Variants in HOMEZ observed in about 807,000 individuals in gnomAD.
HOMEZ encodes the protein homeobox and leucine zipper encoding, also known as homeobox and leucine zipper protein Homez.
HOMEZ carries 20 observed loss-of-function variants against 50.1 expected under a neutral mutation model. The ratio of observed to expected loss-of-function variants is 0.40; its 90% CI spans 0.28 to 0.58. The LOEUF (loss-of-function observed/expected upper bound fraction) is 0.58, where lower values mean the gene tolerates loss of function less well. Ranked by LOEUF, HOMEZ falls within the 20% of genes least tolerant of loss-of-function variation. The pLI is 0.46. For missense variants in HOMEZ, 579 were observed against 680.5 expected (o/e 0.85, Z 1.66); for synonymous variants, 239 against 254.7 (o/e 0.94, Z 0.59).
At position 23,275,717 on chromosome 14, in the gene HOMEZ, G is replaced by A. The variant is rs374986307; in HGVS notation, c.1511C>T (p.Pro504Leu). 3.1e-6 allele frequency: 5 copies of A among 1,610,344 alleles called. No homozygotes were observed. In the African/African-American group the frequency reaches 6.7e-5, roughly 22 times the overall value. ...QVLDWFDSRL[P>L]QPAEVVVCLD... ...ACAAACTACCACCTCAGCTGGCTGA[G>A]GTAATCGAGAGTCAAACCAATCCAG... Residue 504 changes from proline to leucine, a missense_variant, in exon 2 of 2, where the codon CCT becomes CTT. Coordinates refer to ENST00000357460, the MANE Select transcript of HOMEZ (RefSeq NM_020834.3).
chr14:23,278,457 T>C (rs923783586), intron 1 of HOMEZ, among the ~76,000 whole-genome samples: 8 of 150,880 alleles, frequency 5.3e-5, no homozygotes, highest in African/African-American at 2.0e-4. Context: ...CTTTGAACTC[T>C]TAGGCTCAAG....
Position 23,280,701 on chromosome 14 carries a change from ATATTTT to A in HOMEZ, c.41-3520_41-3515del, listed in dbSNP as rs1174395643. Reference sequence around the variant, plus strand: ...TCTGTTATATTTTATTTTTATTTTTATATTTTTATTTTTATTTTATTTTATTTTATT... The same window carrying A: ...TCTGTTATATTTTATTTTTATTTTTATATTTTTATTTTATTTTATTTTATT... On this transcript the variant is annotated intron_variant, in intron 1 of 1. Coordinates refer to ENST00000357460, the MANE Select transcript of HOMEZ (RefSeq NM_020834.3). Among the ~76,000 whole-genome samples the A allele has an allele frequency of 2.6e-4, 18 of 69,994 alleles. 2 individuals carry two copies. The highest frequency in any genetic ancestry group is 6.1e-4 in the African/African-American group (14 of 23,088). The allele number at this position is 69,994 out of a possible 152,430, so 45.9% of individuals were successfully genotyped here.
rs1380511416 is a variant in HOMEZ at position 23,274,937 on chromosome 14, C to T, written c.*638G>A. The T allele has an allele frequency of 6.6e-6, 1 of 152,026 alleles. No homozygotes were observed. Among genetic ancestry groups the T allele is most frequent in the African/African-American group, 2.4e-5 (1 of 41,362 alleles). 9.4% of individuals were successfully genotyped at this position (152,026 alleles called of 1,614,324 possible). On this transcript the variant is annotated 3_prime_UTR_variant, in exon 2 of 2. Coordinates refer to ENST00000357460, the MANE Select transcript of HOMEZ (RefSeq NM_020834.3). ...AAAAAAAAGAACTGAAAAATTCTGC[C>T]ACCTGTGATTTAGTCATGAAGCGGG...
intron 1 of HOMEZ, among the ~76,000 whole-genome samples, chr14:23,277,405 T>C (rs571365858): frequency 6.6e-6 from 1 of 152,308 alleles, no homozygotes; most frequent in South Asian, 2.1e-4. Flanking sequence ...CCAAAGTCCA[T>C]AGACGTTAAA....
Position 23,276,681 on chromosome 14 carries a change from C to T in HOMEZ, c.547G>A (p.Val183Ile), listed in dbSNP as rs1003447662. ...ATCTGAGAGGGCTCCTCAGGCTCTA[C>T]CTTCAATCCTTTCGTCTGGGTAGGC... ...SKPTQTKGLK[V>I]EPEEPSQMPP... Residue 183 changes from valine (V) to isoleucine (I), a missense_variant, in exon 2 of 2, where the codon GTA becomes ATA. Val to Ile is a conservative substitution (Grantham distance 29, BLOSUM62 3). Transcript: ENST00000357460. The surrounding 1 kb of genome is among the most constrained non-coding windows in gnomAD (Gnocchi z 4.1). 6.2e-7 allele frequency: 1 copy of T among 1,613,932 alleles called. No individual in the cohort carries two copies. The highest frequency in any genetic ancestry group is 8.5e-7 in the Non-Finnish European group (1 of 1,179,918).
rs1057119 is a variant in HOMEZ at position 23,277,060 on chromosome 14, C to G, written c.168G>C (p.Thr56=). 0.22 allele frequency: 356,389 copies of G among 1,613,728 alleles called. 40,760 individuals are homozygous for G. The highest frequency in any genetic ancestry group is 0.23 in the Non-Finnish European group (274,162 of 1,179,760). ...PISEELQLVW[T]QAAQTSELDS... is the part of the protein sequence containing the mutation. ...CTAGCTCACTGGTCTGGGCTGCTTGCGTCCACACAAGCTGTAGCTCCTCAG... is the reference window on the plus strand; with the variant it reads ...CTAGCTCACTGGTCTGGGCTGCTTGGGTCCACACAAGCTGTAGCTCCTCAG... The change falls in exon 2 of 2, where the codon ACG becomes ACC. Residue 56 remains threonine (T), a synonymous_variant. Coordinates refer to ENST00000357460, the MANE Select transcript of HOMEZ (RefSeq NM_020834.3).
rs916302905 is a variant in HOMEZ at position 23,277,866 on chromosome 14, C to T, written c.41-679G>A. 8.6e-5 allele frequency among the ~76,000 whole-genome samples: 13 copies of T among 151,860 alleles called. 1 individual carries two copies. Among genetic ancestry groups the T allele is most frequent in the Non-Finnish European group, 1.9e-4 (13 of 67,942 alleles). On this transcript the variant is annotated intron_variant, in intron 1 of 1. Coordinates refer to ENST00000357460, the MANE Select transcript of HOMEZ (RefSeq NM_020834.3). Reference sequence around the variant, plus strand: ...GTGTTTTGAGATGGAGTCTCACTCTCTCGCCCAGGCTGGAGTGCAGTGGCA... The same window carrying T: ...GTGTTTTGAGATGGAGTCTCACTCTTTCGCCCAGGCTGGAGTGCAGTGGCA...
rs1390823610 is a variant in HOMEZ at position 23,275,186 on chromosome 14, A to G, written c.*389T>C. ...GGGGATGCACTGGAATCATCAATCA[A>G]ATCAGAATCCTTTACTCCTCCTTTC... On this transcript the variant is annotated 3_prime_UTR_variant, in exon 2 of 2. Transcript: ENST00000357460. The G allele has an allele frequency of 1.6e-5, 3 of 185,260 alleles. No individual in the cohort carries two copies. Among genetic ancestry groups the G allele is most frequent in the African/African-American group, 7.1e-5 (3 of 42,530 alleles). 11.5% of individuals were successfully genotyped at this position (185,260 alleles called of 1,614,324 possible).
At chr14:23,282,155 C>G (rs1391140689) in intron 1 of HOMEZ, among the ~76,000 whole-genome samples, 2 of 152,036 alleles carry the variant, frequency 1.3e-5, no homozygotes, top group Non-Finnish European at 2.9e-5. Context: ...AATGCTCCTC[C>G]TAGACAATGG....
At chr14:23,278,533 T>C (rs1886417944) in intron 1 of HOMEZ, among the ~76,000 whole-genome samples, 1 of 151,672 alleles carries the variant, frequency 6.6e-6, no homozygotes, top group Non-Finnish European at 1.5e-5. Context: ...ATCCGGCTAA[T>C]TTTAAAATTT....
chr14:23,277,181 G>T lies in HOMEZ; in HGVS notation c.47C>A (p.Ser16Tyr), dbSNP rs377637784. ...EPPPGLDCAI[S>Y]EGHKSEGTMP... The stretch of plus-strand genomic sequence containing the variant: ...GGTGCCTTCTGATTTGTGCCCTTCA[G>T]AGATAGCTGCAATAAGAAGACAAAC... Residue 16 changes from serine (S) to tyrosine (Y), a missense_variant, in exon 2 of 2, where the codon TCT (serine) becomes TAT (tyrosine). Ser to Tyr is a moderately radical substitution (Grantham distance 144). Coordinates refer to ENST00000357460, the MANE Select transcript of HOMEZ (RefSeq NM_020834.3). The T allele has an allele frequency of 1.7e-4, 272 of 1,560,622 alleles. 1 individual carries two copies. The highest frequency in any genetic ancestry group is 3.6e-4 in the South Asian group (31 of 85,642).
Position 23,275,211 on chromosome 14 carries a change from C to T in HOMEZ, c.*364G>A, listed in dbSNP as rs1328493421. ...AATCAGAATCCTTTACTCCTCCTTT[C>T]CAATCCTCCTGGAGAGGTGGTGCCA... On this transcript the variant is annotated 3_prime_UTR_variant, in exon 2 of 2. Coordinates refer to ENST00000357460, the MANE Select transcript of HOMEZ (RefSeq NM_020834.3). 4.7e-6 allele frequency: 1 copy of T among 211,500 alleles called. No homozygotes were observed. Among genetic ancestry groups the T allele is most frequent in the Non-Finnish European group, 9.3e-6 (1 of 107,966 alleles). The allele number at this position is 211,500 out of a possible 1,614,324, so 13.1% of individuals were successfully genotyped here.
chr14:23,284,663 A>G (rs534504038), intron 1 of HOMEZ, among the ~76,000 whole-genome samples: 1 of 152,348 alleles, frequency 6.6e-6, no homozygotes, highest in Non-Finnish European at 1.5e-5. Context: ...TGCTCCTATG[A>G]AAACTAAGTC....
chr14:23,275,591 ACATCATCATCAT>A lies in HOMEZ; in HGVS notation c.1625_1636del (p.Asp542_Asp545del), dbSNP rs148005528. 85 of 1,498,314 alleles carry A rather than the reference ACATCATCATCAT, an allele frequency of 5.7e-5. No homozygotes were observed. The highest frequency in any genetic ancestry group is 7.2e-5 in the Non-Finnish European group (80 of 1,108,774). The allele number at this position is 1,498,314 out of a possible 1,614,324, so 92.8% of individuals were successfully genotyped here. A position where few individuals can be genotyped will look rare whatever the true frequency, so the allele number is the denominator to read the frequency against. On this transcript the variant is annotated inframe_deletion, in exon 2 of 2. Transcript: ENST00000357460. ...GCTCCCCACTCAGTCTTGTATGATC[ACATCATCATCAT>A]CATCATCATCATCTTCCTCCTCCTC...
At position 23,285,947 on chromosome 14, in the gene HOMEZ, C is replaced by A; in HGVS notation, c.6G>T (p.Val2=). 2 of 1,245,336 alleles carry A rather than the reference C, an allele frequency of 1.6e-6. No homozygotes were observed. The highest frequency in any genetic ancestry group is 2.0e-6 in the Non-Finnish European group (2 of 987,518). 77.1% of individuals were successfully genotyped at this position (1,245,336 alleles called of 1,614,324 possible). Residue 2 remains valine, a synonymous_variant, in exon 1 of 2, where the codon GTG becomes GTT. Coordinates refer to ENST00000357460, the MANE Select transcript of HOMEZ (RefSeq NM_020834.3). The part of the protein sequence containing the change: M[V]RGWEPPPGLD... ...GCCCGGGCGGCGGCTCCCAGCCTCG[C>A]ACCATGGGCCGGGGGGAAGTGGGGG...
In HOMEZ at chr14:23,286,063, C is replaced by A. The variant is rs1322257341; in HGVS notation, c.-111G>T. On this transcript the variant is annotated 5_prime_UTR_variant, in exon 1 of 2. Coordinates refer to ENST00000357460, the MANE Select transcript of HOMEZ (RefSeq NM_020834.3). Reference sequence around the variant, plus strand: ...CAGCGATGGCCGAAACCGGGACTGCCCCCCCCACCGTCCCCGGGAGCGCGC... The same window carrying A: ...CAGCGATGGCCGAAACCGGGACTGCACCCCCCACCGTCCCCGGGAGCGCGC... 9 of 1,231,120 alleles carry A rather than the reference C, an allele frequency of 7.3e-6. No individual in the cohort carries two copies. In the East Asian group the frequency reaches 1.3e-4, roughly 17 times the overall value. The allele number at this position is 1,231,120 out of a possible 1,614,324, so 76.3% of individuals were successfully genotyped here. A position where few individuals can be genotyped will look rare whatever the true frequency, so the allele number is the denominator to read the frequency against.
At chr14:23,283,789 G>T (rs1317603348) in intron 1 of HOMEZ, among the ~76,000 whole-genome samples, 1 of 152,192 alleles carries the variant, frequency 6.6e-6, no homozygotes, top group Non-Finnish European at 1.5e-5. Flanking sequence ...CAGCTACTGG[G>T]AAGGCTGAGG....
rs775756013 is a variant in HOMEZ, at chr14:23,272,469, T to C, written c.*3106A>G. 3.6e-4 allele frequency: 91 copies of C among 251,050 alleles called. No homozygotes were observed. The highest frequency in any genetic ancestry group is 6.2e-4 in the Non-Finnish European group (79 of 128,162). 15.6% of individuals were successfully genotyped at this position (251,050 alleles called of 1,614,324 possible). ...ACAAACAACCGAAAATGTGAAAAAA[T>C]TTTAAAGTTATTGAAGGAAATGCCA... On this transcript the variant is annotated 3_prime_UTR_variant, in exon 2 of 2. Transcript: ENST00000357460.
rs80003222 is a variant in HOMEZ, at chr14:23,282,805, T to C, written c.40+3108A>G. 7.1e-3 allele frequency among the ~76,000 whole-genome samples: 1,088 copies of C among 152,322 alleles called. 17 individuals are homozygous for C. Among genetic ancestry groups the C allele is most frequent in the African/African-American group, 0.025 (1,027 of 41,566 alleles). ...ATCAGCTTGATATTTCAGTGTAACA[T>C]ACAGTACTGCAAACAACATATTTGG... is the stretch of plus-strand genomic sequence containing the variant. On this transcript the variant is annotated intron_variant, in intron 1 of 1. Coordinates refer to ENST00000357460, the MANE Select transcript of HOMEZ (RefSeq NM_020834.3).
Sources: gnomAD v4.1 joint callset for allele counts (sites outside exome capture counted in the v4.1 genomes callset) on GRCh38, gnomAD v4.1.1 for gene constraint, Gnocchi (gnomAD v3.1) non-coding constraint, MANE v1.5 for transcripts, NCBI Gene and HGNC (gene_info 2026-07-23, HGNC 2026-07-21) for gene names.